MYB: variants seen among roughly 807,000 people sequenced by gnomAD.
MYB encodes the protein transcriptional activator Myb.
In MYB, 28 loss-of-function variants were observed where a neutral mutation model predicts 92.9. The ratio of observed to expected loss-of-function variants is 0.30; its 90% confidence interval spans 0.22 to 0.41. The LOEUF is 0.41. Among genes scored for constraint, MYB ranks in the 10% least tolerant of loss-of-function variants. MYB has a pLI of 1.00. For synonymous variants in MYB, 295 were observed against 329.1 expected, an observed-to-expected ratio of 0.90 and a Z score of 1.12; for missense variants, 679 against 929.3, an observed-to-expected ratio of 0.73 and a Z score of 3.50.
rs1466705848 is a variant in MYB, at chr6:135,218,031, G to A, written c.*51G>A. 2.2e-6 allele frequency: 3 copies of A among 1,387,294 alleles called. No individual in the cohort carries two copies. The highest frequency in any genetic ancestry group is 3.1e-6 in the Non-Finnish European group (3 of 974,858). 85.9% of individuals were successfully genotyped at this position (1,387,294 alleles called of 1,614,324 possible). On this transcript the variant is annotated 3_prime_UTR_variant, in exon 16 of 16. Transcript: ENST00000341911. ...TTTCAGAACACTTCAAGTTGACTTG[G>A]GATATATCATTCCTCAACATGAAAC...
At chr6:135,192,788 A>G (rs1004701919) in intron 6 of MYB, among the ~76,000 whole-genome samples, 2 of 152,222 alleles carry the variant, frequency 1.3e-5, no homozygotes, top group African/African-American at 2.4e-5. Context: ...GACACAGCTC[A>G]TAGAGATAGT....
At position 135,181,476 on chromosome 6, in the gene MYB, C is replaced by T. The variant is rs990742741; in HGVS notation, c.-38C>T. The T allele has an allele frequency of 1.8e-6, 2 of 1,114,926 alleles. No homozygotes were observed. The highest frequency in any genetic ancestry group is 2.2e-6 in the Non-Finnish European group (2 of 914,044). 69.1% of individuals were successfully genotyped at this position (1,114,926 alleles called of 1,614,324 possible). A position where few individuals can be genotyped will look rare whatever the true frequency, so the allele number is the denominator to read the frequency against. On this transcript the variant is annotated 5_prime_UTR_variant, in exon 1 of 16. Coordinates refer to ENST00000341911, the MANE Select transcript of MYB (RefSeq NM_001130173.2). This position sits in a 1 kb window ranked among gnomAD's most constrained non-coding sequence, Gnocchi z 5.3. ...GCGGGAGGCGGCAGCCCGGTGCGGTCCCCGCGGCTCTCGGCGGAGCCCCGC... is the reference window on the plus strand; with the variant it reads ...GCGGGAGGCGGCAGCCCGGTGCGGTTCCCGCGGCTCTCGGCGGAGCCCCGC...
rs1583463469 is a variant in MYB, at chr6:135,219,136, C to T, written c.*1156C>T. 4.6e-6 allele frequency: 1 copy of T among 218,272 alleles called. No homozygotes were observed. The highest frequency in any genetic ancestry group is 6.7e-5 in the East Asian group (1 of 14,930). 13.5% of individuals were successfully genotyped at this position (218,272 alleles called of 1,614,324 possible). On this transcript the variant is annotated 3_prime_UTR_variant, in exon 16 of 16. Transcript: ENST00000341911. ...TGAGATATGACGGTGTACTTACTGC[C>T]TTGTAGCAAAATAAAGATGTGCCCT...
chr6:135,206,205 C>CAAAAAAAAAAA (rs67836018), intron 15 of MYB, among the ~76,000 whole-genome samples: 12 of 87,366 alleles, frequency 1.4e-4, no homozygotes, highest in Admixed American at 3.0e-4. Flanking sequence ...GACTCCATCT[C>CAAAAAAAAAAA]AAAAAAAAAA....
chr6:135,213,562 T>G (rs1780032375), intron 15 of MYB, among the ~76,000 whole-genome samples: 1 of 152,160 alleles, frequency 6.6e-6, no homozygotes, highest in South Asian at 2.1e-4. Context: ...TGAGTCAACC[T>G]AAGGACTATA....
intron 3 of MYB, among the ~76,000 whole-genome samples, chr6:135,189,573 T>A (rs1158147652): frequency 6.6e-6 from 1 of 152,214 alleles, no homozygotes; most frequent in Non-Finnish European, 1.5e-5. Flanking sequence ...AATGTTTCCC[T>A]CAGGAGGCAG....
chr6:135,199,234 G>T (rs1777738492), intron 11 of MYB, among the ~76,000 whole-genome samples, 184 bp downstream of exon 11: 1 of 152,076 alleles, frequency 6.6e-6, no homozygotes, highest in African/African-American at 2.4e-5. Flanking sequence ...CCTACAGGTA[G>T]AAGATGGGAA....
chr6:135,188,536 A>G, intron 3 of MYB, among the ~76,000 whole-genome samples: 1 of 145,696 alleles, frequency 6.9e-6, no homozygotes. Flanking sequence ...TTGAGATGGA[A>G]TCTAGCTTTG....
In MYB at chr6:135,190,170, T is replaced by C. The variant is rs752717882; in HGVS notation, c.350T>C (p.Val117Ala). The C allele has an allele frequency of 3.1e-6, 5 of 1,614,100 alleles. No individual in the cohort carries two copies. In the Admixed American group the frequency reaches 8.3e-5, roughly 27 times the overall value. Residue 117 changes from valine (V) to alanine (A), a missense_variant, in exon 5 of 16, where the codon GTT becomes GCT. Physicochemically the swap from Val to Ala is moderately conservative, Grantham distance 64. Transcript: ENST00000341911. This position sits in a 1 kb window ranked among gnomAD's most constrained non-coding sequence, Gnocchi z 4.5. ...VQKYGPKRWSVIAKHLKGRIG... is the reference protein window; with the variant it reads ...VQKYGPKRWSAIAKHLKGRIG... ...AAATACGGTCCGAAACGTTGGTCTG[T>C]TATTGCCAAGCACTTAAAGGGGAGA...
At position 135,200,517 on chromosome 6, in the gene MYB, G is replaced by T. The variant is rs564406154; in HGVS notation, c.1950+102G>T. 4,004 of 1,516,638 alleles carry T rather than the reference G, an allele frequency of 2.6e-3. 130 individuals carry two copies. In the South Asian group the frequency reaches 0.043, roughly 16 times the overall value. The allele number at this position is 1,516,638 out of a possible 1,614,324, so 93.9% of individuals were successfully genotyped here. On this transcript the variant is annotated intron_variant, in intron 13 of 15. Coordinates refer to ENST00000341911, the MANE Select transcript of MYB (RefSeq NM_001130173.2). ...TGCCATTGGCACTGTGCAACACCAC[G>T]ACTTTTCGTGCAAGATTTTCATACA...
chr6:135,201,601 G>A, intron 13 of MYB, 38 bp from the exon 14 acceptor site: 2 of 1,410,228 alleles, frequency 1.4e-6, no homozygotes, highest in South Asian at 1.2e-5. Context: ...TTCATAGGAA[G>A]TTCTAGAAAC....
rs139084124 is a variant in MYB at position 135,198,180 on chromosome 6, G to C, written c.1567-728G>C. Among the ~76,000 whole-genome samples the C allele has an allele frequency of 5.2e-3, 792 of 152,342 alleles. 4 individuals are homozygous for C. Among genetic ancestry groups the C allele is most frequent in the Non-Finnish European group, 9.0e-3 (613 of 68,038 alleles). ...TTCTTAGCTGGGCATAGTGGCATGG[G>C]CCTGTAGTCCTAGCTACTGGGGAAG... On this transcript the variant is annotated intron_variant, in intron 10 of 15. Transcript: ENST00000341911.
Position 135,195,771 on chromosome 6 carries a change from C to T in MYB, c.972C>T (p.Tyr324=). 1.2e-6 allele frequency: 2 copies of T among 1,614,156 alleles called. No individual in the cohort carries two copies. The highest frequency in any genetic ancestry group is 1.7e-6 in the Non-Finnish European group (2 of 1,180,022). The change falls in exon 9 of 16, where the codon TAC becomes TAT. Residue 324 remains tyrosine, a synonymous_variant. Coordinates refer to ENST00000341911, the MANE Select transcript of MYB (RefSeq NM_001130173.2). ...VLPTQNHTCS[Y]PGWHSTTIAD... Reference sequence around the variant, plus strand: ...AGACACAGAACCACACATGCAGCTACCCCGGGTGGCACAGCACCACCATTG... The same window carrying T: ...AGACACAGAACCACACATGCAGCTATCCCGGGTGGCACAGCACCACCATTG...
Position 135,201,719 on chromosome 6 carries a change from C to A in MYB, c.2031C>A (p.Phe677Leu), listed in dbSNP as rs1272659280. 10 of 1,545,014 alleles carry A rather than the reference C, an allele frequency of 6.5e-6. No homozygotes were observed. In the South Asian group the frequency reaches 9.6e-5, roughly 15 times the overall value. Residue 677 changes from phenylalanine (F) to leucine (L), a missense_variant, in exon 14 of 16, where the codon TTC becomes TTA. Around this residue, in one of 8 missense-constraint regions of MYB, gnomAD observed 402 missense variants for 434.2 expected, o/e 0.93. Coordinates refer to ENST00000341911, the MANE Select transcript of MYB (RefSeq NM_001130173.2). ...GGGACAGTCTGAATACCCAACTGTT[C>A]ACGCAGACCTCGCCTGTGGCAGATG... The part of the protein sequence containing the change: ...WEGDSLNTQL[F>L]TQTSPVADAP...
intron 15 of MYB, 49 bp downstream of exon 15, chr6:135,203,373 C>G (rs781741678): frequency 7.7e-7 from 1 of 1,301,846 alleles, no homozygotes; most frequent in Non-Finnish European, 1.1e-6. Context: ...CACTGAAAAA[C>G]TGTCATCTTT....
intron 1 of MYB, among the ~76,000 whole-genome samples, chr6:135,185,094 C>T (rs1221947698): frequency 6.6e-6 from 1 of 152,160 alleles, no homozygotes; most frequent in African/African-American, 2.4e-5. Context: ...GATTAGGTTA[C>T]ATTTTATAAT....
chr6:135,197,403 G>C (rs1005214902), intron 10 of MYB, 80 bp downstream of exon 10: 3 of 1,246,938 alleles, frequency 2.4e-6, no homozygotes, highest in Admixed American at 4.5e-5. Context: ...TAATACTTCG[G>C]AACAAATGAC....
At chr6:135,183,080 G>T (rs1178011577) in intron 1 of MYB, among the ~76,000 whole-genome samples, 1 of 149,862 alleles carries the variant, frequency 6.7e-6, no homozygotes, top group African/African-American at 2.5e-5. Flanking sequence ...GGTGCTGGGA[G>T]GAGGCGCGGC....
intron 2 of MYB, among the ~76,000 whole-genome samples, chr6:135,186,663 C>T (rs1411426299): frequency 6.6e-6 from 1 of 152,210 alleles, no homozygotes; most frequent in Non-Finnish European, 1.5e-5. Flanking sequence ...ATATACTTAA[C>T]AGAGCCATCT....
Sources: allele counts gnomAD v4.1 joint callset (sites outside exome capture counted in the v4.1 genomes callset), GRCh38; gene constraint gnomAD v4.1.1; regional missense constraint gnomAD v4.1.1; non-coding constraint Gnocchi (gnomAD v3.1); transcripts MANE v1.5; gene names NCBI Gene and HGNC (gene_info 2026-07-23, HGNC 2026-07-21).